Variants in THRB observed in about 807,000 individuals in gnomAD.
The protein encoded by THRB is nuclear receptor subfamily 1 group A member 2.
THRB carries 12 observed loss-of-function variants against 47.8 expected under a neutral mutation model. The observed-to-expected ratio is 0.25, with a 90% CI of 0.16 to 0.41. The LOEUF (loss-of-function observed/expected upper bound fraction) is 0.41, where lower values mean the gene tolerates loss of function less well. Among genes scored for constraint, THRB ranks in the 10% least tolerant of loss-of-function variants. The probability of loss-of-function intolerance (pLI) is 1.00; values close to 1 mark genes in which losing one functional copy is unlikely to be tolerated. For synonymous variants in THRB, 218 were observed against 212.2 expected (o/e 1.03, Z -0.24); for missense variants, 348 against 589.2 (o/e 0.59, Z 4.24).
In THRB at chr3:24,120,637, T is replaced by C. The variant is rs184127163; in HGVS notation, c.*2247A>G. The C allele has an allele frequency of 6.6e-6, 1 of 152,196 alleles. No individual in the cohort carries two copies. Among genetic ancestry groups the C allele is most frequent in the African/African-American group, 2.4e-5 (1 of 41,436 alleles). 9.4% of individuals were successfully genotyped at this position (152,196 alleles called of 1,614,324 possible). ...ACCCTGGAGCACAGAGGTGGCTAAG[T>C]GTTTGTCTTCCAAAGAGCGGTTGGT... On this transcript the variant is annotated 3_prime_UTR_variant, in exon 11 of 11. Coordinates refer to ENST00000646209, the MANE Select transcript of THRB (RefSeq NM_001354712.2).
At chr3:24,224,299 C>T (rs2047441049) in intron 4 of THRB, among the ~76,000 whole-genome samples, 1 of 151,986 alleles carries the variant, frequency 6.6e-6, no homozygotes, top group Non-Finnish European at 1.5e-5. Context: ...ATGTTAATAG[C>T]CTAATAATCA....
chr3:24,132,286 A>G (rs1200950459), intron 9 of THRB, among the ~76,000 whole-genome samples: 1 of 152,214 alleles, frequency 6.6e-6, no homozygotes, highest in Non-Finnish European at 1.5e-5. Context: ...TATACAGAGC[A>G]AGAGACAAGA....
intron 1 of THRB, among the ~76,000 whole-genome samples, chr3:24,481,860 G>T (rs1236704714): frequency 6.8e-6 from 1 of 147,066 alleles, no homozygotes; most frequent in Non-Finnish European, 1.5e-5. Context: ...AAAAAATCCA[G>T]AACAAGGGAA....
At chr3:24,395,311 T>C (rs1423278457) in intron 1 of THRB, among the ~76,000 whole-genome samples, 1 of 152,072 alleles carries the variant, frequency 6.6e-6, no homozygotes, top group Non-Finnish European at 1.5e-5. Context: ...AGTGAAGGCC[T>C]TCAAGAAAGT....
At chr3:24,182,883 T>C (rs1270826757) in intron 5 of THRB, among the ~76,000 whole-genome samples, 1 of 152,198 alleles carries the variant, frequency 6.6e-6, no homozygotes. Flanking sequence ...AGAGCAGTAT[T>C]TCCTCTGCAG....
intron 1 of THRB, among the ~76,000 whole-genome samples, chr3:24,481,601 T>C (rs931620810): frequency 6.6e-6 from 1 of 152,058 alleles, no homozygotes; most frequent in African/African-American, 2.4e-5. Context: ...AATATAGATA[T>C]ATAGCAAGTG....
chr3:24,460,137 G>A (rs534219642), intron 1 of THRB, among the ~76,000 whole-genome samples: 7 of 152,238 alleles, frequency 4.6e-5, no homozygotes, highest in African/African-American at 1.7e-4. Context: ...TTTTCTAAAT[G>A]GCTTTTGAGA....
At chr3:24,274,551 C>A (rs751386322) in intron 3 of THRB, among the ~76,000 whole-genome samples, 2 of 152,108 alleles carry the variant, frequency 1.3e-5, no homozygotes, top group Non-Finnish European at 2.9e-5. Flanking sequence ...TGGTGACTTT[C>A]ACTCCTTTCC....
At chr3:24,366,905 G>A (rs924542011) in intron 1 of THRB, among the ~76,000 whole-genome samples, 1 of 151,550 alleles carries the variant, frequency 6.6e-6, no homozygotes, top group East Asian at 2.0e-4. Context: ...TTACAGGTGT[G>A]AGCCACCACA....
At chr3:24,206,675 A>T (rs2045393117) in intron 4 of THRB, among the ~76,000 whole-genome samples, 1 of 152,150 alleles carries the variant, frequency 6.6e-6, no homozygotes, top group Non-Finnish European at 1.5e-5. Flanking sequence ...AAGGAGATAG[A>T]GATACAAAAA....
intron 4 of THRB, among the ~76,000 whole-genome samples, chr3:24,215,089 T>G (rs2149911733): frequency 6.6e-6 from 1 of 152,326 alleles, no homozygotes; most frequent in African/African-American, 2.4e-5. Context: ...CTTCACAGCT[T>G]AGCTATAGAG....
At chr3:24,476,819 T>TCA (rs1695523484) in intron 1 of THRB, among the ~76,000 whole-genome samples, 5 of 152,144 alleles carry the variant, frequency 3.3e-5, no homozygotes, top group Admixed American at 6.5e-5. Flanking sequence ...TTCTTATTGT[T>TCA]ATTGCCTTGC....
chr3:24,430,735 A>G (rs2070306059), intron 1 of THRB: 1 of 152,118 alleles, frequency 6.6e-6, no homozygotes, highest in African/African-American at 2.4e-5. Flanking sequence ...CATTAAAATT[A>G]AGTCCTAGAA....
rs36061929 is a variant in THRB at position 24,299,249 on chromosome 3, T to TAA, written c.-188-1880_-188-1879dup. ...GGCGACCGAGTGAGACTCAGTCTCA[T>TAA]AAAAAAAAAAAAAAAAAAAAAAAAG... is the stretch of plus-strand genomic sequence containing the variant. On this transcript the variant is annotated intron_variant, in intron 2 of 10. Coordinates refer to ENST00000646209, the MANE Select transcript of THRB (RefSeq NM_001354712.2). 7.8e-3 allele frequency among the ~76,000 whole-genome samples: 545 copies of TAA among 69,896 alleles called. 18 individuals carry two copies. Among genetic ancestry groups the TAA allele is most frequent in the African/African-American group, 0.021 (344 of 16,156 alleles). 45.9% of individuals were successfully genotyped at this position (69,896 alleles called of 152,430 possible).
At chr3:24,247,113 A>G (rs913098709) in intron 3 of THRB, among the ~76,000 whole-genome samples, 7 of 152,232 alleles carry the variant, frequency 4.6e-5, no homozygotes, top group Non-Finnish European at 1.0e-4. Flanking sequence ...CTTTGAGTAG[A>G]AATCTACAAC....
intron 1 of THRB, among the ~76,000 whole-genome samples, chr3:24,427,454 G>A (rs540855000): frequency 6.6e-6 from 1 of 152,094 alleles, no homozygotes; most frequent in African/African-American, 2.4e-5. Flanking sequence ...ACCAGTTAAC[G>A]TAGCTCATAT....
At chr3:24,318,095 A>C (rs1576795628) in intron 2 of THRB, among the ~76,000 whole-genome samples, 1 of 152,194 alleles carries the variant, frequency 6.6e-6, no homozygotes, top group South Asian at 2.1e-4. Flanking sequence ...GCCTAATTTC[A>C]TGCAATTTGG....
chr3:24,182,340 G>A (rs890888995), intron 5 of THRB, among the ~76,000 whole-genome samples: 19 of 152,294 alleles, frequency 1.2e-4, no homozygotes, highest in African/African-American at 3.9e-4. Context: ...GATCACCTAC[G>A]ATGTCTTTGT....
At chr3:24,397,999 T>C (rs931694532) in intron 1 of THRB, among the ~76,000 whole-genome samples, 2 of 152,090 alleles carry the variant, frequency 1.3e-5, no homozygotes, top group Non-Finnish European at 2.9e-5. Context: ...TGCAAGAAAG[T>C]AAAAATATAC....
Sources: allele counts gnomAD v4.1 joint callset (sites outside exome capture counted in the v4.1 genomes callset), GRCh38; gene constraint gnomAD v4.1.1; transcripts MANE v1.5; gene names NCBI Gene and HGNC (gene_info 2026-07-23, HGNC 2026-07-21).